RAB28: variants seen among roughly 807,000 people sequenced by gnomAD.
RAB28 encodes the protein ras-related protein Rab-28.
In RAB28, 24 loss-of-function variants were observed where a neutral mutation model predicts 31.7. The observed-to-expected ratio is 0.76, with a 90% CI of 0.55 to 1.06. The LOEUF (loss-of-function observed/expected upper bound fraction) is 1.06, where lower values mean the gene tolerates loss of function less well. Ranked by LOEUF, RAB28 falls within the 50% of genes least tolerant of loss-of-function variation. The probability of loss-of-function intolerance (pLI) is 0.00; values close to 1 mark genes in which losing one functional copy is unlikely to be tolerated. For missense variants in RAB28, 254 were observed against 258.5 expected (o/e 0.98, Z 0.12); for synonymous variants, 100 against 90.4 (o/e 1.11, Z -0.60).
At chr4:13,381,887 C>G (rs961413279) in intron 4 of RAB28, among the ~76,000 whole-genome samples, 20 of 152,078 alleles carry the variant, frequency 1.3e-4, no homozygotes, top group Non-Finnish European at 1.5e-5. Flanking sequence ...TTATTATCAT[C>G]TGTATAAGTT....
chr4:13,480,366 C>T (rs11728492), intron 1 of RAB28, among the ~76,000 whole-genome samples: 11,063 of 151,822 alleles, frequency 0.073, 968 homozygotes, highest in African/African-American at 0.21. Flanking sequence ...TATTTATAAA[C>T]TTCCTCCAAA....
intron 1 of RAB28, among the ~76,000 whole-genome samples, 167 bp downstream of exon 1, chr4:13,483,909 C>T (rs1716739327): frequency 6.6e-6 from 1 of 152,180 alleles, no homozygotes; most frequent in African/African-American, 2.4e-5. Flanking sequence ...CGTCGGCCTT[C>T]ACCAAGCGCC....
At chr4:13,373,817 G>C (rs1005326200) in intron 6 of RAB28, among the ~76,000 whole-genome samples, 6 of 152,044 alleles carry the variant, frequency 3.9e-5, no homozygotes, top group Non-Finnish European at 1.5e-5. Flanking sequence ...TGGGACTGGT[G>C]AGTCTGCCAT....
At chr4:13,389,052 A>C (rs756585998) in intron 4 of RAB28, among the ~76,000 whole-genome samples, 1 of 152,142 alleles carries the variant, frequency 6.6e-6, no homozygotes. Context: ...GGTGGAAGTA[A>C]TCCAGATGTT....
intron 4 of RAB28, among the ~76,000 whole-genome samples, chr4:13,417,975 C>T (rs373750911): frequency 1.1e-4 from 16 of 152,146 alleles, no homozygotes; most frequent in African/African-American, 3.6e-4. Flanking sequence ...GATGTTCGAG[C>T]CCCTCGCAAG....
intron 4 of RAB28, among the ~76,000 whole-genome samples, chr4:13,444,842 T>C (rs980200106): frequency 1.3e-5 from 2 of 152,158 alleles, no homozygotes; most frequent in Non-Finnish European, 2.9e-5. Flanking sequence ...CTTTTATCTC[T>C]AGACCTCATG....
At chr4:13,396,458 GTCTT>G (rs1299997407) in intron 4 of RAB28, among the ~76,000 whole-genome samples, 1 of 152,044 alleles carries the variant, frequency 6.6e-6, no homozygotes, top group African/African-American at 2.4e-5. Flanking sequence ...CTCTAATGCT[GTCTT>G]TCTATGATGA....
rs141747044 is a variant in RAB28 at position 13,413,079 on chromosome 4, C to A, written c.392-31485G>T. 4.6e-3 allele frequency among the ~76,000 whole-genome samples: 696 copies of A among 151,118 alleles called. 6 individuals carry two copies. Among genetic ancestry groups the A allele is most frequent in the African/African-American group, 0.016 (663 of 41,162 alleles). On this transcript the variant is annotated intron_variant, in intron 4 of 6. Transcript: ENST00000330852. ...CTAATATGCAGATAACTGGTGTCCCCGAAAAAATAACAGAACAGAAAAAAA... is the reference window on the plus strand; with the variant it reads ...CTAATATGCAGATAACTGGTGTCCCAGAAAAAATAACAGAACAGAAAAAAA...
chr4:13,379,138 G>A (rs530117145), intron 5 of RAB28, among the ~76,000 whole-genome samples: 5 of 150,504 alleles, frequency 3.3e-5, no homozygotes, highest in African/African-American at 7.3e-5. Flanking sequence ...CCCAGGAGGC[G>A]GAGGCTGCAG....
intron 4 of RAB28, among the ~76,000 whole-genome samples, chr4:13,458,438 G>C (rs1226634984): frequency 2.0e-5 from 3 of 151,864 alleles, no homozygotes; most frequent in Non-Finnish European, 4.4e-5. Context: ...CATTTTTAAA[G>C]ACCTTTGGAA....
intron 4 of RAB28, among the ~76,000 whole-genome samples, chr4:13,417,743 G>C (rs187413056): frequency 7.2e-5 from 11 of 152,228 alleles, no homozygotes; most frequent in African/African-American, 9.6e-5. Context: ...CCCATCTATA[G>C]GTCACAAGCA....
intron 4 of RAB28, among the ~76,000 whole-genome samples, chr4:13,408,772 A>G (rs1282026314): frequency 6.6e-6 from 1 of 152,170 alleles, no homozygotes; most frequent in Non-Finnish European, 1.5e-5. Flanking sequence ...TTGACTATAT[A>G]CTGATCATTC....
intron 3 of RAB28, among the ~76,000 whole-genome samples, chr4:13,467,745 G>C (rs1418390186): frequency 6.6e-6 from 1 of 151,802 alleles, no homozygotes; most frequent in African/African-American, 2.4e-5. Context: ...CATGTGCAAA[G>C]AATAGAAAAC....
At chr4:13,461,980 G>C (rs1324747468) in intron 3 of RAB28, among the ~76,000 whole-genome samples, 2 of 152,162 alleles carry the variant, frequency 1.3e-5, no homozygotes, top group Non-Finnish European at 2.9e-5. Flanking sequence ...ATACTGATAG[G>C]TAAGTGATGG....
chr4:13,440,498 T>C (rs1333323586), intron 4 of RAB28, among the ~76,000 whole-genome samples: 1 of 152,152 alleles, frequency 6.6e-6, no homozygotes, highest in Non-Finnish European at 1.5e-5. Flanking sequence ...TTTATATATA[T>C]AAAACCTGTC....
At chr4:13,475,072 T>A (rs1210370618) in intron 2 of RAB28, among the ~76,000 whole-genome samples, 5 of 151,678 alleles carry the variant, frequency 3.3e-5, no homozygotes, top group Non-Finnish European at 7.4e-5. Context: ...CTTTCAAACC[T>A]GTTCAAAGTA....
At chr4:13,375,468 C>A (rs1056233323) in intron 6 of RAB28, among the ~76,000 whole-genome samples, 1 of 152,042 alleles carries the variant, frequency 6.6e-6, no homozygotes, top group Non-Finnish European at 1.5e-5. Context: ...AGCTAAAAAG[C>A]AAACAAATTA....
chr4:13,368,310 T>G lies in RAB28; in HGVS notation c.*248A>C, dbSNP rs945053407. The G allele has an allele frequency of 8.8e-7, 1 of 1,137,544 alleles. No individual in the cohort carries two copies. Among genetic ancestry groups the G allele is most frequent in the African/African-American group, 1.6e-5 (1 of 62,226 alleles). The allele number at this position is 1,137,544 out of a possible 1,614,324, so 70.5% of individuals were successfully genotyped here. A position where few individuals can be genotyped will look rare whatever the true frequency, so the allele number is the denominator to read the frequency against. ...AAGAAACAACATCATTCTTTTGCAA[T>G]GAAGCAGTCTAATTCCAGGGAATGG... On this transcript the variant is annotated 3_prime_UTR_variant, in exon 7 of 7. Transcript: ENST00000330852.
In RAB28 at chr4:13,406,688, G is replaced by A. The variant is rs148982656; in HGVS notation, c.392-25094C>T. On this transcript the variant is annotated intron_variant, in intron 4 of 6. Coordinates refer to ENST00000330852, the MANE Select transcript of RAB28 (RefSeq NM_001017979.3). Reference sequence around the variant, plus strand: ...GTTGTTTCCTGACTTTTTAAAGATCGCCATTCTAACTGGCATGAGATGGTA... The same window carrying A: ...GTTGTTTCCTGACTTTTTAAAGATCACCATTCTAACTGGCATGAGATGGTA... Among the ~76,000 whole-genome samples the A allele has an allele frequency of 9.3e-4, 141 of 152,110 alleles. 1 individual carries two copies. The East Asian group carries it at 0.026, about 28-fold the overall frequency.
Sources: gnomAD v4.1 joint callset for allele counts (sites outside exome capture counted in the v4.1 genomes callset) on GRCh38, gnomAD v4.1.1 for gene constraint, MANE v1.5 for transcripts, NCBI Gene and HGNC (gene_info 2026-07-23, HGNC 2026-07-21) for gene names.